LUC7L2: variants seen among roughly 807,000 people sequenced by gnomAD.
The protein encoded by LUC7L2 is putative RNA-binding protein Luc7-like 2.
Under a neutral mutation model 52.8 loss-of-function variants are expected in LUC7L2, and 25 were observed. The ratio of observed to expected loss-of-function variants is 0.47; its 90% confidence interval spans 0.34 to 0.66. The LOEUF is 0.66. Among genes scored for constraint, LUC7L2 ranks in the 30% least tolerant of loss-of-function variants. LUC7L2 has a pLI of 0.01. For synonymous variants in LUC7L2, 144 were observed against 160.9 expected (o/e 0.89, Z 0.80); for missense variants, 328 against 497.8 (o/e 0.66, Z 3.25).
intron 1 of LUC7L2, among the ~76,000 whole-genome samples, chr7:139,350,225 C>G (rs1156653033): frequency 2.6e-5 from 4 of 151,986 alleles, no homozygotes; most frequent in Non-Finnish European, 1.5e-5. Context: ...GGGTTCACGC[C>G]ATTCTCCTGC....
chr7:139,355,221 G>T (rs1188914099), upstream of LUC7L2, among the ~76,000 whole-genome samples: 1 of 152,038 alleles, frequency 6.6e-6, no homozygotes, highest in Non-Finnish European at 1.5e-5. Flanking sequence ...AGAAAATGAG[G>T]CCTTGAACCT....
At chr7:139,406,370 T>A (rs867204133) in intron 5 of LUC7L2, among the ~76,000 whole-genome samples, 8 of 122,846 alleles carry the variant, frequency 6.5e-5, no homozygotes, top group African/African-American at 2.3e-4. Flanking sequence ...TTTTTTTTTT[T>A]AAGACAGAGT....
chr7:139,360,162 G>A lies in LUC7L2; in HGVS notation c.-100G>A. ...GCCTCGAGGCGGCGGCGGCCACCGA[G>A]ACAGCAGCGCACCTTCCCCCATCCC... On this transcript the variant is annotated 5_prime_UTR_variant, in exon 1 of 10. Transcript: ENST00000354926. 3.4e-6 allele frequency: 3 copies of A among 892,634 alleles called. No individual in the cohort carries two copies. Among genetic ancestry groups the A allele is most frequent in the South Asian group, 3.2e-5 (2 of 63,262 alleles). The allele number at this position is 892,634 out of a possible 1,614,324, so 55.3% of individuals were successfully genotyped here.
At chr7:139,404,169 T>TAATTAAACCAGTA (rs1187842197) in intron 4 of LUC7L2, among the ~76,000 whole-genome samples, 2 of 152,158 alleles carry the variant, frequency 1.3e-5, no homozygotes, top group Admixed American at 6.5e-5. Flanking sequence ...TAAAGACTAT[T>TAATTAAACCAGTA]AATTAAACCA....
intron 1 of LUC7L2, among the ~76,000 whole-genome samples, chr7:139,364,880 A>G (rs1431688631): frequency 6.6e-6 from 1 of 152,228 alleles, no homozygotes. Flanking sequence ...ATAATGAACC[A>G]TATTCATTTC....
In LUC7L2 at chr7:139,376,155, C is replaced by A; in HGVS notation, c.155C>A (p.Thr52Asn). The change falls in exon 2 of 10, where the codon ACT becomes AAT. Residue 52 changes from threonine to asparagine, a missense_variant and splice_region_variant. Transcript: ENST00000354926. The part of the protein sequence containing the change: ...NCCPHDVLSG[T>N]RMDLGECLKV... Reference sequence around the variant, plus strand: ...TGTCCTCATGATGTCCTTTCTGGAACTGTATGTATTTACTAAATGTATTGT... The same window carrying A: ...TGTCCTCATGATGTCCTTTCTGGAAATGTATGTATTTACTAAATGTATTGT... 1 of 1,613,602 alleles carries A rather than the reference C, an allele frequency of 6.2e-7. No homozygotes were observed.
chr7:139,376,255 G>A (rs1800704161), intron 2 of LUC7L2, 99 bp downstream of exon 2: 3 of 1,191,784 alleles, frequency 2.5e-6, no homozygotes. Flanking sequence ...TGACTTGTGA[G>A]GGGAGATTTG....
At chr7:139,420,742 C>T (rs1270032365) in intron 9 of LUC7L2, among the ~76,000 whole-genome samples, 1 of 152,020 alleles carries the variant, frequency 6.6e-6, no homozygotes, top group Non-Finnish European at 1.5e-5. Context: ...ATATTTTATT[C>T]CAACAAAGGC....
At chr7:139,388,001 A>C (rs1794279908) in intron 2 of LUC7L2, among the ~76,000 whole-genome samples, 2 of 151,792 alleles carry the variant, frequency 1.3e-5, no homozygotes, top group Admixed American at 6.6e-5. Flanking sequence ...TTTTGTTTAC[A>C]CTCTTTTCTT....
intron 2 of LUC7L2, among the ~76,000 whole-genome samples, chr7:139,393,876 G>A (rs1670268916): frequency 6.6e-6 from 1 of 152,184 alleles, no homozygotes; most frequent in South Asian, 2.1e-4. Context: ...TATACCTACT[G>A]TCCCACTAGG....
intron 1 of LUC7L2, chr7:139,371,560 G>T: frequency 7.6e-7 from 1 of 1,307,482 alleles, no homozygotes; most frequent in Non-Finnish European, 1.1e-6. Flanking sequence ...GGGTAGTACT[G>T]GGGGGAGGGG....
rs188552157 is a variant in LUC7L2 at position 139,395,862 on chromosome 7, G to C, written c.157-2737G>C. 7.3e-3 allele frequency among the ~76,000 whole-genome samples: 1,106 copies of C among 152,068 alleles called. 8 individuals carry two copies. Among genetic ancestry groups the C allele is most frequent in the Middle Eastern group, 0.031 (9 of 294 alleles). ...GGGGTTTTCTTATGTTACCCAGGCC[G>C]GTCTGGAACTCCTGGGCTTAAGTGA... On this transcript the variant is annotated intron_variant, in intron 2 of 9. Transcript: ENST00000354926.
upstream of LUC7L2, among the ~76,000 whole-genome samples, chr7:139,355,442 A>G (rs1429371785): frequency 6.6e-6 from 1 of 152,138 alleles, no homozygotes; most frequent in African/African-American, 2.4e-5. Context: ...TGAGCAACAG[A>G]CCACAAAAAA....
chr7:139,348,206 CTTTT>C (rs969101850), intron 1 of LUC7L2, among the ~76,000 whole-genome samples: 2 of 126,280 alleles, frequency 1.6e-5, no homozygotes, highest in African/African-American at 7.7e-5. Context: ...AATGTTTTTC[CTTTT>C]TTTTTTAATA....
In LUC7L2 at chr7:139,347,587, C is replaced by CA. The variant is rs890685958; in HGVS notation, c.-26+7082dup. 1.5e-3 allele frequency among the ~76,000 whole-genome samples: 161 copies of CA among 106,068 alleles called. 2 individuals carry two copies. The South Asian group carries it at 0.016, about 10-fold the overall frequency. 69.6% of individuals were successfully genotyped at this position (106,068 alleles called of 152,430 possible). On this transcript the variant is annotated intron_variant, in intron 1 of 10. Coordinates refer to the LUC7L2 transcript ENST00000541170. Reference sequence around the variant, plus strand: ...GGGCAACAAGAGTGAAACTCCGTCTCAAAAAAAAAAAAGGCCATTCAAAAC... The same window carrying CA: ...GGGCAACAAGAGTGAAACTCCGTCTCAAAAAAAAAAAAAGGCCATTCAAAAC...
At chr7:139,383,229 C>T (rs1031533233) in intron 2 of LUC7L2, among the ~76,000 whole-genome samples, 1 of 152,080 alleles carries the variant, frequency 6.6e-6, no homozygotes, top group Non-Finnish European at 1.5e-5. Context: ...AATTCTCCCA[C>T]CTCAGCCTCC....
chr7:139,415,879 C>CT (rs1795575374), intron 8 of LUC7L2, among the ~76,000 whole-genome samples: 1 of 151,602 alleles, frequency 6.6e-6, no homozygotes, highest in African/African-American at 2.4e-5. Flanking sequence ...TTGACATAAG[C>CT]TGAATGCCTT....
At chr7:139,390,325 A>G (rs1171447481) in intron 2 of LUC7L2, among the ~76,000 whole-genome samples, 2 of 150,318 alleles carry the variant, frequency 1.3e-5, no homozygotes, top group Non-Finnish European at 3.0e-5. Flanking sequence ...CAGTGGCGCC[A>G]TCTCCACTCA....
chr7:139,387,786 G>A (rs1794269380), intron 2 of LUC7L2, among the ~76,000 whole-genome samples: 1 of 151,914 alleles, frequency 6.6e-6, no homozygotes, highest in Non-Finnish European at 1.5e-5. Context: ...GAATCTTGCT[G>A]TGTCATGCAG....
Sources: allele counts gnomAD v4.1 joint callset (sites outside exome capture counted in the v4.1 genomes callset), GRCh38; gene constraint gnomAD v4.1.1; transcripts MANE v1.5; gene names NCBI Gene and HGNC (gene_info 2026-07-23, HGNC 2026-07-21).